The following FAT3 variants were observed in gnomAD, a reference collection of about 807,000 sequenced individuals.
FAT3 encodes FAT atypical cadherin 3, also known as protocadherin Fat 3.
Under a neutral mutation model 310.2 loss-of-function variants are expected in FAT3, and 95 were observed. The observed-to-expected ratio is 0.31, with a 90% CI of 0.26 to 0.36. FAT3 has a LOEUF of 0.36. Ranked by LOEUF, FAT3 falls within the 10% of genes least tolerant of loss-of-function variation. The probability of loss-of-function intolerance (pLI) is 1.00; values close to 1 mark genes in which losing one functional copy is unlikely to be tolerated. For missense variants in FAT3, 5,408 were observed against 5,715.6 expected (o/e 0.95, Z 1.74); for synonymous variants, 2,314 against 2,192.9 (o/e 1.06, Z -1.54).
In FAT3 at chr11:92,800,963, C is replaced by T. The variant is rs1431190343; in HGVS notation, c.7950C>T (p.Leu2650=). 6.2e-7 allele frequency: 1 copy of T among 1,613,154 alleles called. No homozygotes were observed. Among genetic ancestry groups the T allele is most frequent in the African/African-American group, 1.3e-5 (1 of 74,922 alleles). Residue 2650 remains leucine (L), a synonymous_variant, in exon 10 of 28, where the codon CTC becomes CTT. Coordinates refer to ENST00000525166, the MANE Select transcript of FAT3 (RefSeq NM_001367949.2). ...AGGCCTCTGTTTCAGTGGCCGACCT[C>T]CTGGAAATCGATCCTGACAATGGCT... The part of the protein sequence containing the change: ...YSEASVSVAD[L]LEIDPDNGWM...
intron 2 of FAT3, among the ~76,000 whole-genome samples, chr11:92,394,620 T>G (rs1020306546): frequency 6.6e-6 from 1 of 151,916 alleles, no homozygotes; most frequent in African/African-American, 2.4e-5. Flanking sequence ...TCTATTGGTA[T>G]CTCAGTTTCC....
chr11:92,257,993 T>C (rs946241075), intron 1 of FAT3, among the ~76,000 whole-genome samples: 22 of 152,118 alleles, frequency 1.4e-4, no homozygotes, highest in African/African-American at 5.3e-4. Context: ...ACCAAGAACA[T>C]GAAACCTCTT....
intron 22 of FAT3, among the ~76,000 whole-genome samples, chr11:92,870,499 C>A (rs1949359182): frequency 6.6e-6 from 1 of 152,064 alleles, no homozygotes; most frequent in Admixed American, 6.5e-5. Context: ...TAAACATGAA[C>A]TGGAAATAGC....
chr11:92,488,616 T>G (rs572527951), intron 2 of FAT3, among the ~76,000 whole-genome samples: 22 of 152,028 alleles, frequency 1.4e-4, no homozygotes, highest in African/African-American at 5.1e-4. Flanking sequence ...ATCCTACTTG[T>G]CCTCCCTATA....
chr11:92,722,004 C>A (rs1944875589), intron 4 of FAT3, among the ~76,000 whole-genome samples: 1 of 151,894 alleles, frequency 6.6e-6, no homozygotes, highest in Admixed American at 6.5e-5. Context: ...GGGACAGGGC[C>A]AAACCATATC....
At chr11:92,322,387 C>T (rs950025363) in intron 1 of FAT3, among the ~76,000 whole-genome samples, 24 of 152,100 alleles carry the variant, frequency 1.6e-4, no homozygotes, top group Admixed American at 2.0e-4. Context: ...GGTCTTGCCT[C>T]GATGTTGATG....
chr11:92,705,305 T>G (rs531347234), intron 4 of FAT3, among the ~76,000 whole-genome samples: 1 of 151,100 alleles, frequency 6.6e-6, no homozygotes, highest in Non-Finnish European at 1.5e-5. Context: ...ATGGTGGTGG[T>G]GTGATGATGG....
chr11:92,662,579 T>C (rs1591579381), intron 3 of FAT3, among the ~76,000 whole-genome samples: 1 of 152,258 alleles, frequency 6.6e-6, no homozygotes, highest in East Asian at 1.9e-4. Context: ...ATCTAATGAG[T>C]ACATAAACAT....
At chr11:92,617,376 G>A (rs920919917) in intron 3 of FAT3, among the ~76,000 whole-genome samples, 12 of 152,054 alleles carry the variant, frequency 7.9e-5, no homozygotes, top group Admixed American at 5.2e-4. Context: ...TTAGCCATTC[G>A]TCTAATCTTT....
chr11:92,246,929 A>C (rs1035206530), intron 1 of FAT3, among the ~76,000 whole-genome samples: 4 of 152,132 alleles, frequency 2.6e-5, no homozygotes, highest in Non-Finnish European at 5.9e-5. Context: ...AGGAATATTA[A>C]GGAAAACTAG....
At position 92,374,686 on chromosome 11, in the gene FAT3, G is replaced by A. The variant is rs116826293; in HGVS notation, c.3292+19282G>A. On this transcript the variant is annotated intron_variant, in intron 2 of 27. Coordinates refer to ENST00000525166, the MANE Select transcript of FAT3 (RefSeq NM_001367949.2). The stretch of plus-strand genomic sequence containing the variant: ...ACTATTTAAGAGTGAATCAAAAGTC[G>A]TGGTGTAAATGGACCCCATCTCAAA... 6.4e-3 allele frequency among the ~76,000 whole-genome samples: 978 copies of A among 152,258 alleles called. 10 individuals carry two copies. The highest frequency in any genetic ancestry group is 0.023 in the African/African-American group (936 of 41,544).
chr11:92,391,226 A>G (rs79588802), intron 2 of FAT3, among the ~76,000 whole-genome samples: 4,344 of 152,250 alleles, frequency 0.029, 224 homozygotes, highest in African/African-American at 0.099. Context: ...CCGATGTTTG[A>G]TAATGCCAGA....
intron 3 of FAT3, among the ~76,000 whole-genome samples, chr11:92,575,029 A>G (rs74526905): frequency 0.01 from 1,545 of 152,226 alleles, 29 homozygotes; most frequent in African/African-American, 0.035. Flanking sequence ...AGCCACACAA[A>G]ACATTATGCC....
Position 92,782,540 on chromosome 11 carries a change from C to T in FAT3, c.4336-7403C>T, listed in dbSNP as rs1591724819. Among the ~76,000 whole-genome samples, 4 of 152,182 alleles carry T rather than the reference C, an allele frequency of 2.6e-5. No individual in the cohort carries two copies. The South Asian group carries it at 8.3e-4, about 32-fold the overall frequency. The stretch of plus-strand genomic sequence containing the variant: ...TGAGCCATGATCACACCACTATACT[C>T]CAAAGACCCTGTCTCAAAAAGTAAT... On this transcript the variant is annotated intron_variant, in intron 7 of 27. Coordinates refer to ENST00000525166, the MANE Select transcript of FAT3 (RefSeq NM_001367949.2).
intron 1 of FAT3, among the ~76,000 whole-genome samples, chr11:92,349,402 T>C (rs1948502062): frequency 6.6e-6 from 1 of 152,212 alleles, no homozygotes; most frequent in African/African-American, 2.4e-5. Flanking sequence ...CTATTAAAGC[T>C]TCTGCTAGTG....
intron 1 of FAT3, among the ~76,000 whole-genome samples, chr11:92,249,043 G>A (rs1470736011): frequency 2.0e-5 from 3 of 152,038 alleles, no homozygotes; most frequent in East Asian, 3.9e-4. Context: ...TCACAAATTG[G>A]CCATCTAAAT....
At chr11:92,465,607 A>G (rs2135126415) in intron 2 of FAT3, among the ~76,000 whole-genome samples, 1 of 152,184 alleles carries the variant, frequency 6.6e-6, no homozygotes, top group East Asian at 1.9e-4. Flanking sequence ...GCAAACTGCC[A>G]CAAGGACAGA....
At chr11:92,511,384 T>G (rs1048256091) in intron 2 of FAT3, among the ~76,000 whole-genome samples, 2 of 152,166 alleles carry the variant, frequency 1.3e-5, no homozygotes, top group Non-Finnish European at 2.9e-5. Flanking sequence ...TTCTTTTTTT[T>G]TTGTTTCCAA....
intron 3 of FAT3, among the ~76,000 whole-genome samples, chr11:92,587,631 T>A (rs534248497): frequency 1.6e-4 from 25 of 152,110 alleles, no homozygotes; most frequent in African/African-American, 5.8e-4. Flanking sequence ...GTTTTTAGAA[T>A]GATGAGTTTA....
Sources: gnomAD v4.1 joint callset for allele counts (sites outside exome capture counted in the v4.1 genomes callset) on GRCh38, gnomAD v4.1.1 for gene constraint, MANE v1.5 for transcripts, NCBI Gene and HGNC (gene_info 2026-07-23, HGNC 2026-07-21) for gene names.